TPO: variants seen among roughly 807,000 people sequenced by gnomAD.
TPO encodes the protein thyroid peroxidase, also known as thyroid microsomal antigen.
In TPO, 78 loss-of-function variants were observed where a neutral mutation model predicts 96.9. The ratio of observed to expected loss-of-function variants is 0.81; its 90% CI spans 0.67 to 0.97. TPO has a LOEUF of 0.97. Among genes scored for constraint, TPO ranks in the 50% least tolerant of loss-of-function variants. The pLI is 0.00. For synonymous variants in TPO, 547 were observed against 538.0 expected (o/e 1.02, Z -0.23); for missense variants, 1,252 against 1,274.8 (o/e 0.98, Z 0.27).
Position 1,542,668 on chromosome 2 carries a change from G to GTAAACATTGCCTGATTTGTTCCTT in TPO, c.*195_*218dup. 6.7e-7 allele frequency: 1 copy of GTAAACATTGCCTGATTTGTTCCTT among 1,497,414 alleles called. No individual in the cohort carries two copies. 92.8% of individuals were successfully genotyped at this position (1,497,414 alleles called of 1,614,324 possible). Reference sequence around the variant, plus strand: ...AGCTGCATTTGTCTGGCCTTTTCTTGTAAACATTGCCTGATTTGTTCCTTC... The same window carrying GTAAACATTGCCTGATTTGTTCCTT: ...AGCTGCATTTGTCTGGCCTTTTCTTGTAAACATTGCCTGATTTGTTCCTTTAAACATTGCCTGATTTGTTCCTTC... On this transcript the variant is annotated 3_prime_UTR_variant, in exon 17 of 17. Coordinates refer to ENST00000329066, the MANE Select transcript of TPO (RefSeq NM_001206744.2).
At chr2:1,428,078 G>A (rs984994489) in intron 3 of TPO, among the ~76,000 whole-genome samples, 10 of 152,160 alleles carry the variant, frequency 6.6e-5, no homozygotes, top group Non-Finnish European at 8.8e-5. Flanking sequence ...TTAAGAATGC[G>A]AAACCAGCTA....
chr2:1,393,131 C>T (rs1662028595), intron 1 of TPO, among the ~76,000 whole-genome samples: 1 of 152,198 alleles, frequency 6.6e-6, no homozygotes, highest in South Asian at 2.1e-4. Context: ...GCAGCTTCTG[C>T]TTCTGGGGAG....
At chr2:1,442,775 G>T (rs891307756) in intron 5 of TPO, among the ~76,000 whole-genome samples, 1 of 152,170 alleles carries the variant, frequency 6.6e-6, no homozygotes, top group Non-Finnish European at 1.5e-5. Context: ...CTCATTTCTA[G>T]GGTTGTCATG....
chr2:1,401,357 T>G (rs1438166050), intron 1 of TPO, among the ~76,000 whole-genome samples: 3 of 152,086 alleles, frequency 2.0e-5, no homozygotes, highest in African/African-American at 7.2e-5. Flanking sequence ...ACAGAGACAA[T>G]GCACCCAATC....
intron 1 of TPO, among the ~76,000 whole-genome samples, chr2:1,390,212 C>G (rs1661980033): frequency 6.6e-6 from 1 of 152,078 alleles, no homozygotes; most frequent in East Asian, 1.9e-4. Flanking sequence ...TGTTCCCCTT[C>G]CTGTGTCCGA....
intron 9 of TPO, among the ~76,000 whole-genome samples, chr2:1,487,332 G>T (rs1178623805): frequency 2.0e-5 from 3 of 152,180 alleles, no homozygotes; most frequent in Non-Finnish European, 4.4e-5. Context: ...GTCAGTGCCA[G>T]CCCAGTGGTT....
chr2:1,453,237 C>G (rs1162231368), intron 5 of TPO, among the ~76,000 whole-genome samples: 2 of 152,252 alleles, frequency 1.3e-5, no homozygotes, highest in Non-Finnish European at 2.9e-5. Flanking sequence ...CCTGGACAAT[C>G]ACACGGGCAG....
rs534999765 is a variant in TPO, at chr2:1,460,563, T to G, written c.819+4281T>G. On this transcript the variant is annotated intron_variant, in intron 7 of 16. Transcript: ENST00000329066. Reference sequence around the variant, plus strand: ...CTGGCCTTGTAACTTATTAGCTGCATGTATATAGGTTTGTTGTCCATAAAA... The same window carrying G: ...CTGGCCTTGTAACTTATTAGCTGCAGGTATATAGGTTTGTTGTCCATAAAA... Among the ~76,000 whole-genome samples, 56 of 152,356 alleles carry G rather than the reference T, an allele frequency of 3.7e-4. 1 individual carries two copies. The highest frequency in any genetic ancestry group is 6.8e-3 in the Middle Eastern group (2 of 294).
At chr2:1,396,756 G>T (rs1423543418) in intron 1 of TPO, among the ~76,000 whole-genome samples, 4 of 152,122 alleles carry the variant, frequency 2.6e-5, no homozygotes, top group Non-Finnish European at 4.4e-5. Flanking sequence ...ACGTCCAGCT[G>T]GCCCGCCTAG....
chr2:1,382,680 G>C (rs1204527393), intron 1 of TPO, among the ~76,000 whole-genome samples: 1 of 151,742 alleles, frequency 6.6e-6, no homozygotes, highest in Non-Finnish European at 1.5e-5. Context: ...AGGAAGACCT[G>C]GACTACATAG....
chr2:1,502,211 G>T (rs372292398), intron 13 of TPO, among the ~76,000 whole-genome samples: 4 of 152,190 alleles, frequency 2.6e-5, no homozygotes, highest in South Asian at 2.1e-4. Context: ...TCTGCATAAC[G>T]GGATGCAGGA....
intron 1 of TPO, among the ~76,000 whole-genome samples, chr2:1,391,820 T>C (rs1233927833): frequency 6.6e-6 from 1 of 152,218 alleles, no homozygotes; most frequent in African/African-American, 2.4e-5. Context: ...TCTGTTTGTC[T>C]GTTGTTGGTG....
At chr2:1,517,636 G>A (rs1392087675) in intron 15 of TPO, among the ~76,000 whole-genome samples, 5 of 104,310 alleles carry the variant, frequency 4.8e-5, no homozygotes, top group Non-Finnish European at 9.6e-5. Flanking sequence ...CCTTGCTGCT[G>A]CCTCTCACCT....
chr2:1,453,221 A>T (rs1413255565), intron 5 of TPO, among the ~76,000 whole-genome samples: 2 of 152,194 alleles, frequency 1.3e-5, no homozygotes, highest in African/African-American at 4.8e-5. Flanking sequence ...AGTTCCCACA[A>T]GTTCGCCTGG....
chr2:1,403,193 C>G (rs1252661334), intron 1 of TPO, among the ~76,000 whole-genome samples: 1 of 152,192 alleles, frequency 6.6e-6, no homozygotes, highest in African/African-American at 2.4e-5. Context: ...CGCAGATGGA[C>G]TGCCCAGCTC....
chr2:1,435,688 GA>G (rs1158056508), intron 4 of TPO, among the ~76,000 whole-genome samples: 1 of 152,130 alleles, frequency 6.6e-6, no homozygotes, highest in African/African-American at 2.4e-5. Flanking sequence ...AGAAAAACAG[GA>G]AATTGTTTCC....
rs752057087 is a variant in TPO, at chr2:1,496,175, C to T, written c.2193C>T (p.Ala731=). The T allele has an allele frequency of 6.2e-7, 1 of 1,614,088 alleles. No homozygotes were observed. Among genetic ancestry groups the T allele is most frequent in the South Asian group, 1.1e-5 (1 of 91,032 alleles). ...CDSITGMNLE[A]WRETFPQDDK... is the part of the protein sequence containing the mutation. ...GCATCACTGGCATGAACCTGGAGGC[C>T]TGGAGGGAAACCTTTCCTCAAGGTG... Residue 731 remains alanine (A), a synonymous_variant, in exon 12 of 17, where the codon GCC becomes GCT. Transcript: ENST00000329066.
intron 3 of TPO, among the ~76,000 whole-genome samples, chr2:1,427,050 T>G (rs1488731432): frequency 6.6e-6 from 1 of 152,112 alleles, no homozygotes; most frequent in Non-Finnish European, 1.5e-5. Context: ...CTTACCTGGA[T>G]AGCATGGGGC....
intron 2 of TPO, among the ~76,000 whole-genome samples, chr2:1,422,268 G>T (rs918839809): frequency 5.2e-5 from 4 of 77,420 alleles, no homozygotes; most frequent in Admixed American, 1.6e-4. Context: ...AGCATGGAAG[G>T]CGCGTGGGAC....
Sources: allele counts gnomAD v4.1 joint callset (sites outside exome capture counted in the v4.1 genomes callset), GRCh38; gene constraint gnomAD v4.1.1; transcripts MANE v1.5; gene names NCBI Gene and HGNC (gene_info 2026-07-23, HGNC 2026-07-21).